PTPA: variants seen among roughly 807,000 people sequenced by gnomAD.
PTPA encodes serine/threonine-protein phosphatase 2A activator.
Under a neutral mutation model 43.6 loss-of-function variants are expected in PTPA, and 13 were observed. The observed-to-expected ratio is 0.30, with a 90% CI of 0.19 to 0.47. PTPA has a LOEUF of 0.47. PTPA is among the 20% of genes least tolerant of loss of function. The pLI, the probability that PTPA is intolerant of heterozygous loss-of-function variation, is 0.99. For synonymous variants in PTPA, 172 were observed against 158.2 expected (o/e 1.09, Z -0.66); for missense variants, 329 against 411.9 (o/e 0.80, Z 1.74).
At chr9:129,140,190 C>A (rs1028909311) in intron 8 of PTPA, 1 of 152,700 alleles carries the variant, frequency 6.5e-6, no homozygotes, top group Non-Finnish European at 1.5e-5. Flanking sequence ...CTCTGACTCA[C>A]ACGATTCCCC....
chr9:129,111,878 A>C, intron 1 of PTPA: 1 of 1,011,658 alleles, frequency 9.9e-7, no homozygotes, highest in Non-Finnish European at 1.3e-6. Flanking sequence ...GTGGGAGTCC[A>C]GGCTGCCCGA....
intron 2 of PTPA, among the ~76,000 whole-genome samples, chr9:129,122,292 G>A (rs1033678301): frequency 6.6e-6 from 1 of 152,156 alleles, no homozygotes; most frequent in African/African-American, 2.4e-5. Flanking sequence ...TTGTAGAGAT[G>A]GGGTCTCACT....
intron 2 of PTPA, among the ~76,000 whole-genome samples, chr9:129,122,621 C>T (rs146500443): frequency 0.034 from 5,227 of 152,286 alleles, 139 homozygotes; most frequent in Non-Finnish European, 0.051. Context: ...CATGGACAAG[C>T]ATGTGCCCAC....
chr9:129,147,500 T>A lies in PTPA; in HGVS notation c.*36T>A, dbSNP rs1381103435. On this transcript the variant is annotated 3_prime_UTR_variant, in exon 10 of 10. Coordinates refer to ENST00000393370, the MANE Select transcript of PTPA (RefSeq NM_178000.3). The stretch of plus-strand genomic sequence containing the variant: ...GCCGAAGAGCCACCCAGGCCACAGT[T>A]CCTGTGCCTGCCTTCCCCACCCCAG... 1 of 1,593,788 alleles carries A rather than the reference T, an allele frequency of 6.3e-7. No individual in the cohort carries two copies. Among genetic ancestry groups the A allele is most frequent in the African/African-American group, 1.3e-5 (1 of 74,510 alleles).
intron 1 of PTPA, among the ~76,000 whole-genome samples, chr9:129,116,384 C>CTTTTTT (rs142067473): frequency 2.8e-5 from 3 of 107,706 alleles, no homozygotes; most frequent in African/African-American, 4.3e-5. Context: ...GACAGGGTTT[C>CTTTTTT]TTTTTTTTTT....
chr9:129,111,769 A>T, intron 1 of PTPA, 138 bp downstream of exon 1: 4 of 1,166,772 alleles, frequency 3.4e-6, no homozygotes, highest in Non-Finnish European at 3.2e-6. Context: ...GGAGGGACTG[A>T]GTTGAATGGC....
At chr9:129,113,218 T>C (rs958575350) in intron 1 of PTPA, among the ~76,000 whole-genome samples, 27 of 151,810 alleles carry the variant, frequency 1.8e-4, no homozygotes, top group Non-Finnish European at 1.5e-5. Flanking sequence ...CTCAGCCTCC[T>C]GAGTAGCTGG....
upstream of PTPA, chr9:129,111,382 G>A: frequency 8.1e-7 from 1 of 1,231,324 alleles, no homozygotes; most frequent in Non-Finnish European, 1.0e-6. Context: ...CCGCGCGCCG[G>A]CCGTTAATAG....
chr9:129,111,243 A>G, upstream of PTPA: 3 of 1,149,328 alleles, frequency 2.6e-6, no homozygotes, highest in Non-Finnish European at 3.3e-6. Context: ...GACGCCCCGC[A>G]CAATCGTGGC....
rs869241421 is a variant in PTPA at position 129,142,357 on chromosome 9, C to G, written c.787-88C>G. ...GTGCGTTTGTGTGTGTGTGTGTGTG[C>G]ATGCATGGGTGTGACTTTGCTGCAG... On this transcript the variant is annotated intron_variant, in intron 8 of 9. Transcript: ENST00000393370. 6 of 949,838 alleles carry G rather than the reference C, an allele frequency of 6.3e-6. No individual in the cohort carries two copies. The African/African-American group carries it at 1.0e-4, about 16-fold the overall frequency. 58.8% of individuals were successfully genotyped at this position (949,838 alleles called of 1,614,324 possible). A position where few individuals can be genotyped will look rare whatever the true frequency, so the allele number is the denominator to read the frequency against.
intron 9 of PTPA, chr9:129,142,899 G>A (rs1293970945): frequency 1.3e-6 from 2 of 1,488,254 alleles, no homozygotes; most frequent in East Asian, 2.5e-5. Flanking sequence ...CGGGCAGTCT[G>A]AGTCTGGCTC....
chr9:129,136,072 A>G (rs181121036), intron 6 of PTPA, among the ~76,000 whole-genome samples: 277 of 152,156 alleles, frequency 1.8e-3, no homozygotes, highest in Middle Eastern at 6.8e-3. Flanking sequence ...GGTTCATGCC[A>G]TTCTCCTGCC....
intron 4 of PTPA, among the ~76,000 whole-genome samples, chr9:129,131,282 T>C (rs1193045924): frequency 6.6e-6 from 1 of 152,214 alleles, no homozygotes; most frequent in Non-Finnish European, 1.5e-5. Flanking sequence ...AGATTCCTCC[T>C]GTTTTGCCCC....
At chr9:129,128,189 A>G (rs1268306381) in intron 3 of PTPA, 5 of 495,610 alleles carry the variant, frequency 1.0e-5, no homozygotes, top group South Asian at 6.9e-5. Flanking sequence ...CAGGCCCACC[A>G]TGCTAAACCA....
intron 9 of PTPA, 49 bp from the exon 10 acceptor site, chr9:129,147,338 G>T: frequency 6.4e-7 from 1 of 1,572,778 alleles, no homozygotes; most frequent in South Asian, 1.1e-5. Context: ...GTCCTGGCAG[G>T]GGTGTGGTGT....
intron 9 of PTPA, 40 bp from the exon 10 acceptor site, chr9:129,147,347 G>A (rs1444040862): frequency 3.8e-6 from 6 of 1,597,336 alleles, no homozygotes; most frequent in African/African-American, 2.7e-5. Context: ...GGGGTGTGGT[G>A]TGGCCCTCAC....
chr9:129,128,301 C>T (rs761681909), intron 3 of PTPA, among the ~76,000 whole-genome samples: 2 of 152,072 alleles, frequency 1.3e-5, no homozygotes, highest in African/African-American at 2.4e-5. Flanking sequence ...TTTGGGAGGC[C>T]GATGCAGGTG....
At chr9:129,115,135 G>A (rs1848784455) in intron 1 of PTPA, among the ~76,000 whole-genome samples, 1 of 152,128 alleles carries the variant, frequency 6.6e-6, no homozygotes, top group South Asian at 2.1e-4. Flanking sequence ...CATATAAAAG[G>A]GCTGTATGTT....
intron 8 of PTPA, 55 bp from the exon 9 acceptor site, chr9:129,142,390 G>C (rs1588535631): frequency 6.7e-7 from 1 of 1,503,218 alleles, no homozygotes; most frequent in Admixed American, 2.1e-5. Flanking sequence ...CAGGGGAGGA[G>C]GGATGAGCTC....
Sources: gnomAD v4.1 joint callset for allele counts (sites outside exome capture counted in the v4.1 genomes callset) on GRCh38, gnomAD v4.1.1 for gene constraint, MANE v1.5 for transcripts, NCBI Gene and HGNC (gene_info 2026-07-23, HGNC 2026-07-21) for gene names.